Variants in L3MBTL4 observed in about 807,000 individuals in gnomAD.
The protein encoded by L3MBTL4 is lethal(3)malignant brain tumor-like protein 4.
Under a neutral mutation model 84.5 loss-of-function variants are expected in L3MBTL4, and 70 were observed. The ratio of observed to expected loss-of-function variants is 0.83; its 90% CI spans 0.68 to 1.01. The LOEUF (loss-of-function observed/expected upper bound fraction) is 1.01, where lower values mean the gene tolerates loss of function less well. Ranked by LOEUF, L3MBTL4 falls within the 50% of genes least tolerant of loss-of-function variation. The pLI is 0.00. For synonymous variants in L3MBTL4, 274 were observed against 259.8 expected (o/e 1.05, Z -0.52); for missense variants, 715 against 754.8 (o/e 0.95, Z 0.62).
At chr18:6,078,557 A>G (rs937960769) in intron 16 of L3MBTL4, among the ~76,000 whole-genome samples, 11 of 152,144 alleles carry the variant, frequency 7.2e-5, no homozygotes, top group Non-Finnish European at 1.6e-4. Flanking sequence ...TATCACCATA[A>G]GAACATATTT....
chr18:5,983,883 T>C (rs1567948381), intron 16 of L3MBTL4, among the ~76,000 whole-genome samples: 1 of 152,154 alleles, frequency 6.6e-6, no homozygotes, highest in Non-Finnish European at 1.5e-5. Flanking sequence ...GTGTCATATT[T>C]TATTCTAACC....
chr18:6,190,306 T>C (rs966624385), intron 12 of L3MBTL4, among the ~76,000 whole-genome samples: 2 of 152,218 alleles, frequency 1.3e-5, no homozygotes, highest in African/African-American at 4.8e-5. Context: ...GACGAGGCTT[T>C]GAGAGAAGTT....
At chr18:6,327,824 TA>T (rs145824579) in intron 1 of L3MBTL4, among the ~76,000 whole-genome samples, 10,754 of 152,296 alleles carry the variant, frequency 0.071, 521 homozygotes, top group Middle Eastern at 0.14. Flanking sequence ...AATTCAACAT[TA>T]GGGGTAGGTT....
At chr18:6,190,293 G>A (rs116482926) in intron 12 of L3MBTL4, among the ~76,000 whole-genome samples, 2,365 of 152,312 alleles carry the variant, frequency 0.016, 57 homozygotes, top group African/African-American at 0.051. Context: ...TGTAGTGTTG[G>A]CTGACGAGGC....
chr18:6,174,689 G>A lies in L3MBTL4; in HGVS notation c.982-2747C>T, dbSNP rs144992367. On this transcript the variant is annotated intron_variant, in intron 12 of 18. Coordinates refer to ENST00000317931, the MANE Select transcript of L3MBTL4 (RefSeq NM_001330559.2). ...GGTTAAGACTAGCCTGGCCAACACG[G>A]TGAAGCCCCATCTCTACTAAAATGC... is the stretch of plus-strand genomic sequence containing the variant. Among the ~76,000 whole-genome samples the A allele has an allele frequency of 6.6e-4, 100 of 151,116 alleles. 3 individuals are homozygous for A. The East Asian group carries it at 0.012, about 18-fold the overall frequency.
chr18:6,388,967 G>A (rs764332497), intron 1 of L3MBTL4, among the ~76,000 whole-genome samples: 5 of 152,160 alleles, frequency 3.3e-5, no homozygotes, highest in South Asian at 2.1e-4. Context: ...GGTCTCTAGG[G>A]AATGGGTAAA....
At chr18:6,163,270 TG>T (rs371267417) in intron 13 of L3MBTL4, among the ~76,000 whole-genome samples, 2 of 52,078 alleles carry the variant, frequency 3.8e-5, no homozygotes, top group African/African-American at 1.6e-4. Flanking sequence ...GGGGGGGGGG[TG>T]GGTGTGTGTG....
rs117054309 is a variant in L3MBTL4 at position 6,261,215 on chromosome 18, C to T, written c.219+2732G>A. ...CAAGATCCTAAGACACCATGTCATACGTTCTTTAGTGTTTTGGCCAGTCTT... is the reference window on the plus strand; with the variant it reads ...CAAGATCCTAAGACACCATGTCATATGTTCTTTAGTGTTTTGGCCAGTCTT... On this transcript the variant is annotated intron_variant, in intron 5 of 18. Coordinates refer to ENST00000317931, the MANE Select transcript of L3MBTL4 (RefSeq NM_001330559.2). Among the ~76,000 whole-genome samples the T allele has an allele frequency of 4.3e-4, 66 of 152,298 alleles. No homozygotes were observed. In the East Asian group the frequency reaches 0.012, roughly 28 times the overall value.
rs185480851 is a variant in L3MBTL4, at chr18:6,102,033, C to T, written c.1200-8505G>A. On this transcript the variant is annotated intron_variant, in intron 14 of 18. Coordinates refer to ENST00000317931, the MANE Select transcript of L3MBTL4 (RefSeq NM_001330559.2). ...AATAATCACTGCCCTCCAGTTTTAACGCACACCTCCCAACTTTTATTATAG... is the reference window on the plus strand; with the variant it reads ...AATAATCACTGCCCTCCAGTTTTAATGCACACCTCCCAACTTTTATTATAG... 2.9e-3 allele frequency among the ~76,000 whole-genome samples: 438 copies of T among 152,306 alleles called. 1 individual carries two copies. Among genetic ancestry groups the T allele is most frequent in the South Asian group, 5.6e-3 (27 of 4,832 alleles).
intron 18 of L3MBTL4, 51 bp downstream of exon 18, chr18:5,960,043 C>CT: frequency 3.0e-6 from 1 of 329,712 alleles, no homozygotes; most frequent in Non-Finnish European, 4.9e-6. Flanking sequence ...TATATACACA[C>CT]ACATATATAT....
At position 6,099,608 on chromosome 18, in the gene L3MBTL4, G is replaced by GAGAGAGAGAGA. The variant is rs1598744783; in HGVS notation, c.1200-6081_1200-6080insTCTCTCTCTCT. Among the ~76,000 whole-genome samples the GAGAGAGAGAGA allele has an allele frequency of 1.2e-4, 4 of 34,524 alleles. No homozygotes were observed. The East Asian group carries it at 8.0e-3, about 69-fold the overall frequency. The allele number at this position is 34,524 out of a possible 152,430, so 22.6% of individuals were successfully genotyped here. ...TAAATATATATATATATATATATAT[G>GAGAGAGAGAGA]GAGAGAGAGAGAGGAGATTTTCAGG... On this transcript the variant is annotated intron_variant, in intron 14 of 18. Coordinates refer to ENST00000317931, the MANE Select transcript of L3MBTL4 (RefSeq NM_001330559.2).
At chr18:6,291,184 G>T (rs1349520294) in intron 4 of L3MBTL4, among the ~76,000 whole-genome samples, 1 of 152,048 alleles carries the variant, frequency 6.6e-6, no homozygotes, top group East Asian at 1.9e-4. Context: ...AAATAATGCT[G>T]CAATTAAAAT....
At chr18:6,007,926 A>T (rs1458123529) in intron 16 of L3MBTL4, among the ~76,000 whole-genome samples, 1 of 152,212 alleles carries the variant, frequency 6.6e-6, no homozygotes. Context: ...AAATCTACTA[A>T]GTTTGCTTGC....
At chr18:5,969,887 A>C (rs1418650840) in intron 16 of L3MBTL4, among the ~76,000 whole-genome samples, 1 of 152,200 alleles carries the variant, frequency 6.6e-6, no homozygotes. Context: ...TCCTTAAATC[A>C]GGAGTCAGAG....
intron 16 of L3MBTL4, among the ~76,000 whole-genome samples, chr18:5,988,381 T>A (rs2053554052): frequency 6.6e-6 from 1 of 152,246 alleles, no homozygotes; most frequent in Admixed American, 6.5e-5. Flanking sequence ...CCCTGTATGA[T>A]ATATTCAGAT....
At chr18:6,089,192 T>A (rs2058356978) in intron 15 of L3MBTL4, among the ~76,000 whole-genome samples, 1 of 152,248 alleles carries the variant, frequency 6.6e-6, no homozygotes, top group African/African-American at 2.4e-5. Flanking sequence ...GGAGCTGCAT[T>A]CCAAAGTAAT....
chr18:6,092,045 T>C (rs2058476952), intron 15 of L3MBTL4, among the ~76,000 whole-genome samples: 1 of 152,070 alleles, frequency 6.6e-6, no homozygotes, highest in Non-Finnish European at 1.5e-5. Context: ...CCCTGTGAAG[T>C]TGCAACAACA....
chr18:6,225,739 A>T (rs2046755330), intron 10 of L3MBTL4, among the ~76,000 whole-genome samples: 1 of 110,098 alleles, frequency 9.1e-6, no homozygotes, highest in Admixed American at 8.5e-5. Context: ...CAGCCTATCT[A>T]AAAAAAAAAA....
rs1035458903 is a variant in L3MBTL4, at chr18:6,029,950, T to G, written c.1444+50931A>C. ...TTTATTTTCCAGTCAAGCTGACACC[T>G]ACAGAAGACACTTTGAAGCCTCCTT... On this transcript the variant is annotated intron_variant, in intron 16 of 18. Coordinates refer to ENST00000317931, the MANE Select transcript of L3MBTL4 (RefSeq NM_001330559.2). 5.1e-6 allele frequency: 5 copies of G among 985,274 alleles called. No individual in the cohort carries two copies. The African/African-American group carries it at 8.7e-5, about 17-fold the overall frequency. The allele number at this position is 985,274 out of a possible 1,614,324, so 61.0% of individuals were successfully genotyped here.
Sources: allele counts gnomAD v4.1 joint callset (sites outside exome capture counted in the v4.1 genomes callset), GRCh38; gene constraint gnomAD v4.1.1; transcripts MANE v1.5; gene names NCBI Gene and HGNC (gene_info 2026-07-23, HGNC 2026-07-21).